AKAP6: variants seen among roughly 807,000 people sequenced by gnomAD.
AKAP6 encodes A-kinase anchor protein 6.
A neutral mutation model predicts 188.5 loss-of-function variants in AKAP6; 58 were observed. The ratio of observed to expected loss-of-function variants is 0.31; its 90% CI spans 0.25 to 0.38. The LOEUF is 0.38. AKAP6 is among the 10% of genes least tolerant of loss of function. The probability of loss-of-function intolerance (pLI) is 1.00; values close to 1 mark genes in which losing one functional copy is unlikely to be tolerated. For synonymous variants in AKAP6, 989 were observed against 998.6 expected (o/e 0.99, Z 0.18); for missense variants, 2,710 against 2,740.0 (o/e 0.99, Z 0.24).
chr14:32,765,948 A>G (rs1455083434), intron 11 of AKAP6, among the ~76,000 whole-genome samples: 2 of 152,168 alleles, frequency 1.3e-5, no homozygotes, highest in Non-Finnish European at 2.9e-5. Context: ...TAATTTACAT[A>G]CCAGAAAATC....
intron 7 of AKAP6, among the ~76,000 whole-genome samples, chr14:32,661,082 G>A (rs972181392): frequency 6.6e-5 from 10 of 151,770 alleles, no homozygotes; most frequent in African/African-American, 2.4e-4. Context: ...GAAATGTAGA[G>A]AAATAGTGAC....
At chr14:32,330,986 TCTGCTGGGA>T (rs1331052630) in intron 1 of AKAP6, among the ~76,000 whole-genome samples, 2 of 152,010 alleles carry the variant, frequency 1.3e-5, no homozygotes, top group Non-Finnish European at 2.9e-5. Flanking sequence ...AGCAGAAAGC[TCTGCTGGGA>T]CTGCTGGGTG....
At chr14:32,456,300 T>A (rs1311339909) in intron 2 of AKAP6, among the ~76,000 whole-genome samples, 2 of 152,182 alleles carry the variant, frequency 1.3e-5, no homozygotes, top group Non-Finnish European at 2.9e-5. Context: ...GCCATCTTAC[T>A]TAATTTGTCA....
At chr14:32,654,965 G>GCAACCA (rs961665666) in intron 7 of AKAP6, among the ~76,000 whole-genome samples, 3 of 152,122 alleles carry the variant, frequency 2.0e-5, no homozygotes, top group African/African-American at 7.2e-5. Context: ...TGCAGAATTT[G>GCAACCA]CAACCACAAT....
At chr14:32,827,691 G>A (rs934002902) in intron 13 of AKAP6, among the ~76,000 whole-genome samples, 1 of 152,160 alleles carries the variant, frequency 6.6e-6, no homozygotes, top group African/African-American at 2.4e-5. Context: ...AGATCTTTCT[G>A]CCTAATTTGG....
intron 4 of AKAP6, among the ~76,000 whole-genome samples, chr14:32,548,884 T>G (rs368825960): frequency 5.5e-4 from 84 of 152,274 alleles, no homozygotes; most frequent in African/African-American, 1.9e-3. Context: ...CCATGGGCAC[T>G]CCTCCTAATT....
At chr14:32,773,327 C>A (rs2032955805) in intron 11 of AKAP6, among the ~76,000 whole-genome samples, 1 of 152,112 alleles carries the variant, frequency 6.6e-6, no homozygotes, top group Non-Finnish European at 1.5e-5. Context: ...TTCTGCGTTT[C>A]CTTCGACCTT....
chr14:32,400,563 C>CCAAAAAAAAAAAAAA (rs1555325478), intron 1 of AKAP6, among the ~76,000 whole-genome samples: 1 of 73,984 alleles, frequency 1.4e-5, no homozygotes, highest in Admixed American at 2.4e-4. Context: ...CCACTTTTAG[C>CCAAAAAAAAAAAAAA]AAAAAAAAAA....
rs143909208 is a variant in AKAP6 at position 32,335,442 on chromosome 14, C to T, written c.-35+6034C>T. ...GTTTCAGACTCCCCACTTCCTCCTACTCTGGAACAATTCAAATAGAAATTG... is the reference window on the plus strand; with the variant it reads ...GTTTCAGACTCCCCACTTCCTCCTATTCTGGAACAATTCAAATAGAAATTG... On this transcript the variant is annotated intron_variant, in intron 1 of 13. Transcript: ENST00000280979. Among the ~76,000 whole-genome samples the T allele has an allele frequency of 5.6e-4, 86 of 152,272 alleles. 1 individual carries two copies. The highest frequency in any genetic ancestry group is 5.2e-3 in the East Asian group (27 of 5,178).
chr14:32,818,469 C>A (rs2034441718), intron 12 of AKAP6, among the ~76,000 whole-genome samples: 1 of 151,716 alleles, frequency 6.6e-6, no homozygotes, highest in East Asian at 1.9e-4. Context: ...GTAGTTCATA[C>A]AATGCCTACA....
chr14:32,424,442 C>T (rs1024358020), intron 1 of AKAP6, among the ~76,000 whole-genome samples: 1 of 151,816 alleles, frequency 6.6e-6, no homozygotes, highest in African/African-American at 2.4e-5. Flanking sequence ...ACCTCCCTTC[C>T]ATCTCTGCTT....
At chr14:32,616,034 T>C (rs568110602) in intron 7 of AKAP6, among the ~76,000 whole-genome samples, 2 of 152,294 alleles carry the variant, frequency 1.3e-5, no homozygotes, top group South Asian at 4.1e-4. Flanking sequence ...CAGATTCCTT[T>C]CTATAAATCA....
rs118065261 is a variant in AKAP6 at position 32,474,931 on chromosome 14, T to C, written c.324+41114T>C. On this transcript the variant is annotated intron_variant, in intron 2 of 13. Coordinates refer to ENST00000280979, the MANE Select transcript of AKAP6 (RefSeq NM_004274.5). ...TTCATTTGGGAGAGGTGTACATATG[T>C]TCACTTCCACAGCTGTAGCACATTT... Among the ~76,000 whole-genome samples, 1,507 of 152,320 alleles carry C rather than the reference T, an allele frequency of 9.9e-3. 14 individuals carry two copies. The highest frequency in any genetic ancestry group is 0.027 in the Middle Eastern group (8 of 294).
intron 1 of AKAP6, among the ~76,000 whole-genome samples, chr14:32,379,202 G>A (rs548878524): frequency 7.2e-5 from 11 of 152,134 alleles, no homozygotes; most frequent in African/African-American, 2.7e-4. Context: ...TTACAGGTGT[G>A]AGCCACTGCG....
At chr14:32,547,228 A>G (rs1052440951) in intron 4 of AKAP6, among the ~76,000 whole-genome samples, 1 of 152,230 alleles carries the variant, frequency 6.6e-6, no homozygotes, top group Non-Finnish European at 1.5e-5. Context: ...CCTGCCTGGT[A>G]TAGAATTCTT....
At chr14:32,359,562 C>CTTTTT in intron 1 of AKAP6, among the ~76,000 whole-genome samples, 1 of 143,548 alleles carries the variant, frequency 7.0e-6, no homozygotes, top group Non-Finnish European at 1.5e-5. Context: ...ACTGCATAGA[C>CTTTTT]TTTTTTTTTT....
rs552159924 is a variant in AKAP6, at chr14:32,629,705, C to T, written c.2730+28913C>T. On this transcript the variant is annotated intron_variant, in intron 7 of 13. Coordinates refer to ENST00000280979, the MANE Select transcript of AKAP6 (RefSeq NM_004274.5). Reference sequence around the variant, plus strand: ...TTTTTTTTTTTTTTGGTCAGGAAGCCAGAAGAACTAGAACCTGGATTTTTA... The same window carrying T: ...TTTTTTTTTTTTTTGGTCAGGAAGCTAGAAGAACTAGAACCTGGATTTTTA... Among the ~76,000 whole-genome samples, 205 of 149,008 alleles carry T rather than the reference C, an allele frequency of 1.4e-3. 1 individual carries two copies. Among genetic ancestry groups the T allele is most frequent in the Middle Eastern group, 6.8e-3 (2 of 294 alleles).
At chr14:32,487,277 TC>T (rs1356343312) in intron 2 of AKAP6, among the ~76,000 whole-genome samples, 1 of 152,232 alleles carries the variant, frequency 6.6e-6, no homozygotes, top group Non-Finnish European at 1.5e-5. Flanking sequence ...CCTGAAATTT[TC>T]TTTTTTTGTT....
At chr14:32,457,290 CT>C (rs1272685849) in intron 2 of AKAP6, among the ~76,000 whole-genome samples, 16 of 152,086 alleles carry the variant, frequency 1.1e-4, no homozygotes, top group African/African-American at 3.9e-4. Flanking sequence ...GGGGGAAAGG[CT>C]GAAGCTCCCT....
Sources: gnomAD v4.1 joint callset for allele counts (sites outside exome capture counted in the v4.1 genomes callset) on GRCh38, gnomAD v4.1.1 for gene constraint, MANE v1.5 for transcripts, NCBI Gene and HGNC (gene_info 2026-07-23, HGNC 2026-07-21) for gene names.